The following PKHD1 variants were observed in gnomAD, a reference collection of about 807,000 sequenced individuals.
PKHD1 encodes fibrocystin.
A neutral mutation model predicts 412.0 loss-of-function variants in PKHD1; 291 were observed. The ratio of observed to expected loss-of-function variants is 0.71; its 90% CI spans 0.64 to 0.78. PKHD1 has a LOEUF of 0.78. PKHD1 is among the 30% of genes least tolerant of loss of function. The pLI is 0.00. For missense variants in PKHD1, 4,825 were observed against 4,950.7 expected (o/e 0.97, Z 0.76); for synonymous variants, 1,777 against 1,821.5 (o/e 0.98, Z 0.62).
intron 27 of PKHD1, 107 bp from the exon 28 acceptor site, chr6:52,035,828 G>GGAGTT: frequency 8.6e-7 from 1 of 1,157,222 alleles, no homozygotes; most frequent in Non-Finnish European, 1.3e-6. Context: ...AAACTCCTTA[G>GGAGTT]TCAAAACAAA....
At chr6:51,818,648 A>T (rs2151438915) in intron 52 of PKHD1, among the ~76,000 whole-genome samples, 1 of 152,370 alleles carries the variant, frequency 6.6e-6, no homozygotes, top group African/African-American at 2.4e-5. Context: ...TTAGCTGAAT[A>T]GTTTGTCACC....
intron 57 of PKHD1, among the ~76,000 whole-genome samples, chr6:51,750,126 T>C (rs1453571211): frequency 6.6e-6 from 1 of 152,144 alleles, no homozygotes; most frequent in Admixed American, 6.6e-5. Flanking sequence ...AAGCAAGTCC[T>C]TTTGAGAAAG....
At chr6:52,053,292 A>C in intron 20 of PKHD1, 41 bp from the exon 21 acceptor site, 1 of 1,604,548 alleles carries the variant, frequency 6.2e-7, no homozygotes, top group Non-Finnish European at 8.5e-7. Context: ...CTCAGGGAGC[A>C]CTTGCAGTCC....
chr6:51,933,989 C>T (rs755652102), intron 37 of PKHD1, 121 bp downstream of exon 37: 13 of 742,688 alleles, frequency 1.8e-5, no homozygotes, highest in Non-Finnish European at 3.2e-5. Context: ...GGAAATAGTG[C>T]CATGCTCTAA....
At chr6:51,691,976 A>T (rs1778212132) in intron 60 of PKHD1, among the ~76,000 whole-genome samples, 1 of 152,094 alleles carries the variant, frequency 6.6e-6, no homozygotes, top group Non-Finnish European at 1.5e-5. Flanking sequence ...CATACTAAAC[A>T]AGGAAACTTG....
At chr6:51,810,131 ATTG>A (rs1237337287) in intron 52 of PKHD1, among the ~76,000 whole-genome samples, 1 of 152,098 alleles carries the variant, frequency 6.6e-6, no homozygotes, top group Non-Finnish European at 1.5e-5. Flanking sequence ...GTAATAATAA[ATTG>A]TTGTTGAGTA....
In PKHD1 at chr6:51,683,682, C is replaced by T. The variant is rs190756697; in HGVS notation, c.10157-23713G>A. Reference sequence around the variant, plus strand: ...CATCACATCAGATTTTGGTAAATTCCGGGGGCAGTGTGAGTAATACAGAGG... The same window carrying T: ...CATCACATCAGATTTTGGTAAATTCTGGGGGCAGTGTGAGTAATACAGAGG... On this transcript the variant is annotated intron_variant, in intron 60 of 66. Transcript: ENST00000371117. Among the ~76,000 whole-genome samples, 121 of 151,910 alleles carry T rather than the reference C, an allele frequency of 8.0e-4. 1 individual carries two copies. The highest frequency in any genetic ancestry group is 7.6e-3 in the Admixed American group (116 of 15,222).
chr6:51,992,225 T>C (rs1797124914), intron 35 of PKHD1, among the ~76,000 whole-genome samples: 1 of 152,252 alleles, frequency 6.6e-6, no homozygotes, highest in African/African-American at 2.4e-5. Flanking sequence ...ATGTTACCCC[T>C]TCCCATTATT....
In PKHD1 at chr6:51,626,967, G is replaced by C. The variant is rs753952574; in HGVS notation, c.11785+30C>G. ...AGACCATCCACAGTGGGTCTCTCCT[G>C]TGGGGATCATCTCCACCCTCCAAGC... On this transcript the variant is annotated intron_variant, in intron 66 of 66. Transcript: ENST00000371117. The C allele has an allele frequency of 3.7e-6, 6 of 1,611,972 alleles. No homozygotes were observed. In the Admixed American group the frequency reaches 1.0e-4, roughly 27 times the overall value.
chr6:51,850,319 A>AGGTAG (rs1375020879), intron 49 of PKHD1, among the ~76,000 whole-genome samples: 1 of 152,216 alleles, frequency 6.6e-6, no homozygotes, highest in African/African-American at 2.4e-5. Flanking sequence ...CTTTGAAGTC[A>AGGTAG]GGTAGTGTGA....
intron 9 of PKHD1, 129 bp from the exon 10 acceptor site, chr6:52,070,574 G>T: frequency 1.5e-6 from 1 of 686,928 alleles, no homozygotes; most frequent in Admixed American, 2.5e-5. Context: ...TTCTTTAGTG[G>T]TTCCCCCCCG....
At chr6:51,839,521 C>T (rs1298453163) in intron 50 of PKHD1, among the ~76,000 whole-genome samples, 1 of 152,110 alleles carries the variant, frequency 6.6e-6, no homozygotes, top group Non-Finnish European at 1.5e-5. Flanking sequence ...AAGAAAATGG[C>T]TCCTGGTAAG....
intron 36 of PKHD1, among the ~76,000 whole-genome samples, chr6:51,940,237 C>T (rs2127799566): frequency 6.6e-6 from 1 of 151,698 alleles, no homozygotes; most frequent in South Asian, 2.1e-4. Flanking sequence ...AATTAAATTC[C>T]GGCCCTCAAA....
chr6:51,809,629 G>A (rs575682178), intron 52 of PKHD1, among the ~76,000 whole-genome samples: 1 of 151,856 alleles, frequency 6.6e-6, no homozygotes, highest in East Asian at 1.9e-4. Flanking sequence ...TTTCATCATT[G>A]TGTCTTCCTG....
At chr6:51,849,759 A>G (rs1771860238) in intron 49 of PKHD1, among the ~76,000 whole-genome samples, 1 of 152,078 alleles carries the variant, frequency 6.6e-6, no homozygotes, top group South Asian at 2.1e-4. Flanking sequence ...TTTCTTGTAA[A>G]TATGTTTAAG....
intron 2 of PKHD1, among the ~76,000 whole-genome samples, chr6:52,083,758 T>C (rs1348133123): frequency 6.6e-6 from 1 of 152,036 alleles, no homozygotes; most frequent in Non-Finnish European, 1.5e-5. Flanking sequence ...CTGTTTTGCA[T>C]TCCTTTTAAT....
intron 60 of PKHD1, among the ~76,000 whole-genome samples, chr6:51,717,688 A>T (rs1781442405): frequency 6.6e-6 from 1 of 152,190 alleles, no homozygotes; most frequent in African/African-American, 2.4e-5. Flanking sequence ...AAATAATCTA[A>T]TGACACACTC....
chr6:51,987,151 C>A (rs1456134699), intron 35 of PKHD1, among the ~76,000 whole-genome samples: 1 of 152,210 alleles, frequency 6.6e-6, no homozygotes, highest in Non-Finnish European at 1.5e-5. Flanking sequence ...GAGGGCACAG[C>A]AGAATCTCAG....
At position 51,934,110 on chromosome 6, in the gene PKHD1, C is replaced by CGTGAGAGA; in HGVS notation, c.6120_6121insTCTCTCAC (p.Gly2041SerfsTer9). Reference sequence around the variant, plus strand: ...TCCTCTGATCAATTGCCTCACTCACCGTGCAGAGAAAGAGTTCCATTCCTC... The same window carrying CGTGAGAGA: ...TCCTCTGATCAATTGCCTCACTCACCGTGAGAGAGTGCAGAGAAAGAGTTCCATTCCTC... On this transcript the variant is annotated frameshift_variant and splice_region_variant, in exon 37 of 67. Coordinates refer to ENST00000371117, the MANE Select transcript of PKHD1 (RefSeq NM_138694.4). LOFTEE classifies it high-confidence loss of function. 6.2e-7 allele frequency: 1 copy of CGTGAGAGA among 1,606,010 alleles called. No homozygotes were observed. The highest frequency in any genetic ancestry group is 8.5e-7 in the Non-Finnish European group (1 of 1,172,534).
Sources: gnomAD v4.1 joint callset for allele counts (sites outside exome capture counted in the v4.1 genomes callset) on GRCh38, gnomAD v4.1.1 for gene constraint, MANE v1.5 for transcripts, NCBI Gene and HGNC (gene_info 2026-07-23, HGNC 2026-07-21) for gene names.